The following TRERF1 variants were observed in gnomAD, a reference collection of about 807,000 sequenced individuals.
The protein encoded by TRERF1 is transcriptional-regulating factor 1.
A neutral mutation model predicts 122.9 loss-of-function variants in TRERF1; 27 were observed. That is an observed-to-expected ratio of 0.22 (90% CI 0.16 to 0.30). The LOEUF (loss-of-function observed/expected upper bound fraction) is 0.30. TRERF1 is among the 10% of genes least tolerant of loss of function. The pLI, the probability that TRERF1 is intolerant of heterozygous loss-of-function variation, is 1.00. For synonymous variants in TRERF1, 636 were observed against 641.7 expected (o/e 0.99, Z 0.13); for missense variants, 1,248 against 1,560.3 (o/e 0.80, Z 3.37).
chr6:42,396,147 T>C (rs529933557), intron 2 of TRERF1, among the ~76,000 whole-genome samples: 1 of 152,204 alleles, frequency 6.6e-6, no homozygotes, highest in South Asian at 2.1e-4. Flanking sequence ...CAGAATCCAG[T>C]AGAAAATCAG....
At chr6:42,347,533 A>G (rs1768531980) in intron 3 of TRERF1, among the ~76,000 whole-genome samples, 1 of 152,194 alleles carries the variant, frequency 6.6e-6, no homozygotes, top group Non-Finnish European at 1.5e-5. Flanking sequence ...GAGAATGTAG[A>G]TAAGTAATGG....
At chr6:42,328,000 CTTTCTTT>C (rs1259794985) in intron 3 of TRERF1, among the ~76,000 whole-genome samples, 1 of 110,058 alleles carries the variant, frequency 9.1e-6, no homozygotes, top group African/African-American at 4.1e-5. Context: ...CTTTTTCTTT[CTTTCTTT>C]TTTTTTTTTT....
In TRERF1 at chr6:42,391,676, G is replaced by T. The variant is rs528771639; in HGVS notation, c.-453-28597C>A. Among the ~76,000 whole-genome samples, 5 of 152,172 alleles carry T rather than the reference G, an allele frequency of 3.3e-5. No homozygotes were observed. In the South Asian group the frequency reaches 1.0e-3, roughly 32 times the overall value. The stretch of plus-strand genomic sequence containing the variant: ...CCTAAGAGCCTATACTCTCCCATCT[G>T]CTGGCCACCACAGAGCTCATTCTTC... On this transcript the variant is annotated intron_variant, in intron 2 of 17. Transcript: ENST00000372922.
chr6:42,311,145 A>T (rs545947719), intron 3 of TRERF1, among the ~76,000 whole-genome samples: 1 of 152,342 alleles, frequency 6.6e-6, no homozygotes, highest in Admixed American at 6.5e-5. Context: ...TGGAGCAGAT[A>T]GTCTAGTGGA....
rs1784745169 is a variant in TRERF1, at chr6:42,294,276, G to T, written c.-259+6362C>A. Among the ~76,000 whole-genome samples the T allele has an allele frequency of 2.7e-5, 4 of 150,716 alleles. No homozygotes were observed. In the South Asian group the frequency reaches 8.4e-4, roughly 31 times the overall value. Reference sequence around the variant, plus strand: ...AGCTCACTGCAACCTCCGCTTCCTGGGTTCAAGCAATTCTGCCTCAGCTTC... The same window carrying T: ...AGCTCACTGCAACCTCCGCTTCCTGTGTTCAAGCAATTCTGCCTCAGCTTC... On this transcript the variant is annotated intron_variant, in intron 4 of 17. Transcript: ENST00000372922.
chr6:42,233,012 T>G, intron 16 of TRERF1, 84 bp from the exon 17 acceptor site: 2 of 1,400,682 alleles, frequency 1.4e-6, no homozygotes, highest in Non-Finnish European at 1.9e-6. Flanking sequence ...ACAAGGGTTT[T>G]ATATAAGCAA....
At chr6:42,237,891 C>A (rs1435814738) in intron 15 of TRERF1, among the ~76,000 whole-genome samples, 1 of 152,124 alleles carries the variant, frequency 6.6e-6, no homozygotes, top group Non-Finnish European at 1.5e-5. Context: ...ACTTGCGATG[C>A]AGTATGAACA....
chr6:42,419,265 G>C (rs260292), intron 2 of TRERF1, among the ~76,000 whole-genome samples: 3,382 of 111,172 alleles, frequency 0.03, no homozygotes, highest in African/African-American at 0.033. Flanking sequence ...CCCACCCCCC[G>C]CCCCGGCTTC....
At chr6:42,310,728 G>A (rs1221232940) in intron 3 of TRERF1, among the ~76,000 whole-genome samples, 1 of 152,116 alleles carries the variant, frequency 6.6e-6, no homozygotes, top group Non-Finnish European at 1.5e-5. Context: ...GGCTAAGGAG[G>A]CCAAAGAGTA....
chr6:42,239,890 C>G (rs1773251018), intron 15 of TRERF1, among the ~76,000 whole-genome samples: 1 of 151,988 alleles, frequency 6.6e-6, no homozygotes, highest in Non-Finnish European at 1.5e-5. Context: ...TGAGTCATCT[C>G]TGCACATAAG....
intron 2 of TRERF1, among the ~76,000 whole-genome samples, chr6:42,395,576 C>G (rs1307201761): frequency 6.6e-6 from 1 of 152,080 alleles, no homozygotes; most frequent in Non-Finnish European, 1.5e-5. Context: ...GTAAGTGTGA[C>G]TGGGTCAGAG....
At position 42,258,987 on chromosome 6, in the gene TRERF1, G is replaced by C. The variant is rs543274676; in HGVS notation, c.2269+352C>G. 3.6e-3 allele frequency among the ~76,000 whole-genome samples: 547 copies of C among 152,004 alleles called. 3 individuals carry two copies. The highest frequency in any genetic ancestry group is 6.0e-3 in the Admixed American group (91 of 15,256). On this transcript the variant is annotated intron_variant, in intron 9 of 17. Coordinates refer to ENST00000372922, the Ensembl canonical transcript of TRERF1. Reference sequence around the variant, plus strand: ...CGGCCTCAAGTGATCCACCCGCCTCGACCTCCGAAAACGCTGGGATTACAG... The same window carrying C: ...CGGCCTCAAGTGATCCACCCGCCTCCACCTCCGAAAACGCTGGGATTACAG...
rs192418974 is a variant in TRERF1 at position 42,320,189 on chromosome 6, G to A, written c.-370-19440C>T. The stretch of plus-strand genomic sequence containing the variant: ...ACTGGGATTACAGGCATGAGCCACC[G>A]CACCCAGCCATAACTAAATTATATT... On this transcript the variant is annotated intron_variant, in intron 3 of 17. Transcript: ENST00000372922. 1.9e-3 allele frequency among the ~76,000 whole-genome samples: 284 copies of A among 152,044 alleles called. 1 individual carries two copies. Among genetic ancestry groups the A allele is most frequent in the South Asian group, 7.7e-3 (37 of 4,800 alleles).
rs772029995 is a variant in TRERF1, at chr6:42,264,891, C to T, written c.1485-37G>A. ...AAGAGTCAAATGGAGAGGACACATACGTTGAGGAAGGGGAAACAGTGACTT... is the reference window on the plus strand; with the variant it reads ...AAGAGTCAAATGGAGAGGACACATATGTTGAGGAAGGGGAAACAGTGACTT... On this transcript the variant is annotated intron_variant, in intron 6 of 17. Transcript: ENST00000372922. 5.6e-6 allele frequency: 9 copies of T among 1,607,848 alleles called. No individual in the cohort carries two copies. The African/African-American group carries it at 8.0e-5, about 14-fold the overall frequency.
intron 3 of TRERF1, among the ~76,000 whole-genome samples, chr6:42,323,473 A>C (rs1275406692): frequency 6.6e-6 from 1 of 152,104 alleles, no homozygotes; most frequent in African/African-American, 2.4e-5. Context: ...CTGGGATTAC[A>C]GGTGTGAGCC....
chr6:42,265,199 C>A (rs777824647), intron 6 of TRERF1, among the ~76,000 whole-genome samples: 5 of 152,226 alleles, frequency 3.3e-5, no homozygotes, highest in African/African-American at 4.8e-5. Context: ...AAAAGCCTCC[C>A]CACTTAGAGA....
chr6:42,289,916 T>C (rs895473811), intron 4 of TRERF1, among the ~76,000 whole-genome samples: 3 of 152,064 alleles, frequency 2.0e-5, no homozygotes, highest in Admixed American at 6.5e-5. Context: ...AAGGGACTTA[T>C]GGGGGTACAG....
chr6:42,332,303 G>T (rs879575696), intron 3 of TRERF1, among the ~76,000 whole-genome samples: 35 of 152,266 alleles, frequency 2.3e-4, no homozygotes, highest in Admixed American at 8.5e-4. Context: ...GAGAGACAAG[G>T]TGAGGTGTAG....
At chr6:42,382,151 C>G (rs764417590) in intron 2 of TRERF1, among the ~76,000 whole-genome samples, 30 of 151,236 alleles carry the variant, frequency 2.0e-4, no homozygotes, top group Non-Finnish European at 4.1e-4. Context: ...TACCCAAATC[C>G]TTGGGTGTTT....
Sources: allele counts gnomAD v4.1 joint callset (sites outside exome capture counted in the v4.1 genomes callset), GRCh38; gene constraint gnomAD v4.1.1; transcripts MANE v1.5; gene names NCBI Gene and HGNC (gene_info 2026-07-23, HGNC 2026-07-21).